Variants in PRMT9 observed in about 807,000 individuals in gnomAD.
The protein encoded by PRMT9 is protein arginine N-methyltransferase 9.
In PRMT9, 59 loss-of-function variants were observed where a neutral mutation model predicts 83.2. The ratio of observed to expected loss-of-function variants is 0.71; its 90% CI spans 0.57 to 0.88. The LOEUF (loss-of-function observed/expected upper bound fraction) is 0.88. Among genes scored for constraint, PRMT9 ranks in the 40% least tolerant of loss-of-function variants. The probability of loss-of-function intolerance (pLI) is 0.00; values close to 1 mark genes in which losing one functional copy is unlikely to be tolerated. For synonymous variants in PRMT9, 333 were observed against 353.2 expected (o/e 0.94, Z 0.64); for missense variants, 947 against 1,021.9 (o/e 0.93, Z 1.00).
At position 147,663,134 on chromosome 4, in the gene PRMT9, G is replaced by A. The variant is rs371299243; in HGVS notation, c.954-2096C>T. Among the ~76,000 whole-genome samples the A allele has an allele frequency of 7.3e-5, 11 of 150,076 alleles. No individual in the cohort carries two copies. The South Asian group carries it at 1.1e-3, about 14-fold the overall frequency. On this transcript the variant is annotated intron_variant, in intron 6 of 11. Coordinates refer to ENST00000322396, the MANE Select transcript of PRMT9 (RefSeq NM_138364.4). Reference sequence around the variant, plus strand: ...CGCCATTCTCCTGCCTCAGCCTCCCGAGTGGCTGGGACTACAGGCGCCTGC... The same window carrying A: ...CGCCATTCTCCTGCCTCAGCCTCCCAAGTGGCTGGGACTACAGGCGCCTGC...
chr4:147,668,773 G>A, intron 5 of PRMT9, 128 bp from the exon 6 acceptor site: 1 of 680,380 alleles, frequency 1.5e-6, no homozygotes, highest in Non-Finnish European at 2.5e-6. Flanking sequence ...GTAAGTTAAA[G>A]GTTTTTTTTT....
intron 9 of PRMT9, among the ~76,000 whole-genome samples, chr4:147,650,385 G>C (rs1189902642): frequency 6.6e-6 from 1 of 152,050 alleles, no homozygotes; most frequent in Non-Finnish European, 1.5e-5. Context: ...ACTAGCAAAG[G>C]CTAAGCTAAA....
intron 1 of PRMT9, among the ~76,000 whole-genome samples, chr4:147,680,935 C>G (rs932451292): frequency 1.3e-5 from 2 of 152,230 alleles, no homozygotes; most frequent in African/African-American, 4.8e-5. Context: ...CATTTCAACC[C>G]GGCAATGGAT....
chr4:147,670,754 A>AT lies in PRMT9; in HGVS notation c.744-12dup, dbSNP rs747466615. 6.5e-6 allele frequency: 10 copies of AT among 1,544,996 alleles called. No individual in the cohort carries two copies. Among genetic ancestry groups the AT allele is most frequent in the Non-Finnish European group, 8.0e-6 (9 of 1,118,104 alleles). On this transcript the variant is annotated splice_polypyrimidine_tract_variant and intron_variant, in intron 4 of 11. Coordinates refer to ENST00000322396, the MANE Select transcript of PRMT9 (RefSeq NM_138364.4). ...ACAACTAGGGACACTCTATAGAATG[A>AT]TTTTTTAAAGATATATGTAAGTAAA...
rs1358243851 is a variant in PRMT9, at chr4:147,654,325, T to C, written c.1572A>G (p.Glu524=). The C allele has an allele frequency of 1.2e-6, 2 of 1,614,204 alleles. No homozygotes were observed. The highest frequency in any genetic ancestry group is 2.2e-5 in the South Asian group (2 of 91,084). The change falls in exon 9 of 12, where the codon GAA becomes GAG. Residue 524 remains glutamate (E), a synonymous_variant. Coordinates refer to ENST00000322396, the MANE Select transcript of PRMT9 (RefSeq NM_138364.4). ...ATGGGATGTTGTTAAGCAAAGCAAT[T>C]TCTGTAGATTCCAATATACATGTCT... is the stretch of plus-strand genomic sequence containing the variant. ...VEQTCILEST[E]IALLNNIPYH...
intron 4 of PRMT9, 25 bp downstream of exon 4, chr4:147,672,934 C>T: frequency 6.3e-7 from 1 of 1,598,562 alleles, no homozygotes; most frequent in Non-Finnish European, 8.6e-7. Flanking sequence ...AGTATAAACA[C>T]TAAAATTAGT....
intron 1 of PRMT9, among the ~76,000 whole-genome samples, chr4:147,682,756 G>A (rs994534093): frequency 6.6e-6 from 1 of 152,222 alleles, no homozygotes; most frequent in African/African-American, 2.4e-5. Context: ...GAAGCAAACT[G>A]TATCTCAACA....
At chr4:147,644,411 GGAGA>G (rs1372722548) in intron 9 of PRMT9, among the ~76,000 whole-genome samples, 1 of 151,344 alleles carries the variant, frequency 6.6e-6, no homozygotes, top group Non-Finnish European at 1.5e-5. Context: ...TAATACTGGA[GGAGA>G]GAGAGTCAAG....
chr4:147,678,718 C>T (rs1380528099), intron 2 of PRMT9, among the ~76,000 whole-genome samples: 3 of 152,298 alleles, frequency 2.0e-5, no homozygotes, highest in Middle Eastern at 6.8e-3. Flanking sequence ...AAGTGTCCAG[C>T]TCCCAGTAGA....
rs1456931711 is a variant in PRMT9 at position 147,661,393 on chromosome 4, T to C, written c.954-355A>G. 7.1e-5 allele frequency: 14 copies of C among 196,344 alleles called. No homozygotes were observed. In the East Asian group the frequency reaches 1.1e-3, roughly 15 times the overall value. The allele number at this position is 196,344 out of a possible 1,614,324, so 12.2% of individuals were successfully genotyped here. A position where few individuals can be genotyped will look rare whatever the true frequency, so the allele number is the denominator to read the frequency against. ...CCTACATATCAATAAAAAACAAAAA[T>C]GGGCAAAAGACTTAGACACTTCACC... is the stretch of plus-strand genomic sequence containing the variant. On this transcript the variant is annotated intron_variant, in intron 6 of 11. Coordinates refer to ENST00000322396, the MANE Select transcript of PRMT9 (RefSeq NM_138364.4).
chr4:147,639,229 C>A, intron 10 of PRMT9, 147 bp from the exon 11 acceptor site: 1 of 673,432 alleles, frequency 1.5e-6, no homozygotes, highest in South Asian at 1.8e-5. Flanking sequence ...ACATTACCTC[C>A]TTTATATTCC....
In PRMT9 at chr4:147,654,400, A is replaced by G; in HGVS notation, c.1497T>C (p.Leu499=). ...TCTGAAGGTTAGCGAGGGCACTACA[A>G]AGTTCAGCCTCATTTCCTAACGATA... ...DLLSLGNEAE[L]CSALANLQTS... The change falls in exon 9 of 12, where the codon CTT becomes CTC. Residue 499 remains leucine, a synonymous_variant. Transcript: ENST00000322396. 7 of 1,614,176 alleles carry G rather than the reference A, an allele frequency of 4.3e-6. No homozygotes were observed. Among genetic ancestry groups the G allele is most frequent in the Non-Finnish European group, 8.5e-7 (1 of 1,180,026 alleles).
At chr4:147,672,869 G>A in intron 4 of PRMT9, 90 bp downstream of exon 4, 5 of 1,016,924 alleles carry the variant, frequency 4.9e-6, no homozygotes, top group South Asian at 1.3e-5. Flanking sequence ...GGGTTTTGTA[G>A]CATTTTGTTT....
chr4:147,682,241 G>A (rs1006724016), intron 1 of PRMT9, among the ~76,000 whole-genome samples: 2 of 151,628 alleles, frequency 1.3e-5, no homozygotes, highest in Non-Finnish European at 2.9e-5. Context: ...GCGCAATGGC[G>A]TGATCTCGGC....
intron 5 of PRMT9, among the ~76,000 whole-genome samples, chr4:147,670,144 G>A (rs1351384689): frequency 6.7e-6 from 1 of 148,510 alleles, no homozygotes; most frequent in East Asian, 2.0e-4. Flanking sequence ...ATTGAATCAT[G>A]TTGTTAGTAA....
At chr4:147,639,442 A>G in intron 10 of PRMT9, 1 of 267,540 alleles carries the variant, frequency 3.7e-6, no homozygotes, top group South Asian at 4.5e-5. Flanking sequence ...TTATGAAATA[A>G]TGGTACAACA....
chr4:147,681,343 C>T (rs1486904563), intron 1 of PRMT9, among the ~76,000 whole-genome samples: 1 of 152,226 alleles, frequency 6.6e-6, no homozygotes, highest in African/African-American at 2.4e-5. Context: ...AACTGCATCT[C>T]CCTCCATCCA....
Position 147,654,236 on chromosome 4 carries a change from T to C in PRMT9, c.1661A>G (p.Tyr554Cys), listed in dbSNP as rs188327569. The change falls in exon 9 of 12, where the codon TAT (tyrosine) becomes TGT (cysteine). Residue 554 changes from tyrosine (Y) to cysteine (C), a missense_variant. Coordinates refer to ENST00000322396, the MANE Select transcript of PRMT9 (RefSeq NM_138364.4). Reference sequence around the variant, plus strand: ...CTGACAGTGAGTATCCATGGTCTGATACAGTTTCTCTGGAGTCAGTGAAGA... The same window carrying C: ...CTGACAGTGAGTATCCATGGTCTGACACAGTTTCTCTGGAGTCAGTGAAGA... Reference protein sequence around the residue: ...VLSSLTPEKLYQTMDTHCQNE... With the variant: ...VLSSLTPEKLCQTMDTHCQNE... 6.2e-7 allele frequency: 1 copy of C among 1,614,180 alleles called. No homozygotes were observed. The highest frequency in any genetic ancestry group is 1.3e-5 in the African/African-American group (1 of 75,052).
At chr4:147,652,536 T>C (rs1381157514) in intron 9 of PRMT9, among the ~76,000 whole-genome samples, 2 of 152,016 alleles carry the variant, frequency 1.3e-5, no homozygotes, top group African/African-American at 2.4e-5. Flanking sequence ...TTAAAACCTA[T>C]GAACCTATAA....
Sources: gnomAD v4.1 joint callset for allele counts (sites outside exome capture counted in the v4.1 genomes callset) on GRCh38, gnomAD v4.1.1 for gene constraint, MANE v1.5 for transcripts, NCBI Gene and HGNC (gene_info 2026-07-23, HGNC 2026-07-21) for gene names.